Variants in RNLS observed in about 807,000 individuals in gnomAD.
RNLS encodes renalase.
RNLS carries 39 observed loss-of-function variants against 39.8 expected under a neutral mutation model. That is an observed-to-expected ratio of 0.98 (90% CI 0.76 to 1.28). The LOEUF (loss-of-function observed/expected upper bound fraction) is 1.28, where lower values mean the gene tolerates loss of function less well. Among genes scored for constraint, RNLS ranks in the 50% most tolerant of loss-of-function variants. The pLI, the probability that RNLS is intolerant of heterozygous loss-of-function variation, is 0.00. For synonymous variants in RNLS, 147 were observed against 150.7 expected (o/e 0.98, Z 0.18); for missense variants, 410 against 413.3 (o/e 0.99, Z 0.07).
chr10:88,369,953 T>C (rs1486696065), intron 4 of RNLS, among the ~76,000 whole-genome samples: 2 of 152,202 alleles, frequency 1.3e-5, no homozygotes, highest in African/African-American at 4.8e-5. Flanking sequence ...CCCAAAGTGT[T>C]GGGATTACAG....
chr10:88,550,833 T>C (rs372438010), intron 4 of RNLS, among the ~76,000 whole-genome samples: 5 of 152,168 alleles, frequency 3.3e-5, no homozygotes, highest in African/African-American at 1.2e-4. Flanking sequence ...TGGATTTAGA[T>C]TGAGAAGGGA....
At chr10:88,559,101 T>A (rs1327965508) in intron 4 of RNLS, among the ~76,000 whole-genome samples, 1 of 152,194 alleles carries the variant, frequency 6.6e-6, no homozygotes, top group Non-Finnish European at 1.5e-5. Context: ...TATTTCGTTC[T>A]CATTTTTCCA....
At chr10:88,343,510 T>C (rs1397116189) in intron 5 of RNLS, 1 of 947,984 alleles carries the variant, frequency 1.1e-6, no homozygotes, top group East Asian at 1.2e-4. Flanking sequence ...TCTTAACATA[T>C]ATATATATTT....
intron 5 of RNLS, among the ~76,000 whole-genome samples, chr10:88,356,361 C>A (rs1347068371): frequency 1.3e-5 from 2 of 152,236 alleles, no homozygotes; most frequent in Non-Finnish European, 1.5e-5. Flanking sequence ...CTTGGAACTG[C>A]CCCCCGATTC....
chr10:88,582,065 T>G, intron 2 of RNLS, 137 bp downstream of exon 2: 3 of 655,366 alleles, frequency 4.6e-6, no homozygotes, highest in Admixed American at 3.5e-5. Context: ...AGTTGCCTTC[T>G]TCCATAACAC....
intron 4 of RNLS, among the ~76,000 whole-genome samples, chr10:88,454,048 C>G (rs1316171571): frequency 6.6e-6 from 1 of 152,078 alleles, no homozygotes; most frequent in South Asian, 2.1e-4. Context: ...GATGAGATTC[C>G]TGATGGATTA....
chr10:88,410,397 AG>A (rs1285611954), intron 4 of RNLS, among the ~76,000 whole-genome samples: 10 of 152,100 alleles, frequency 6.6e-5, no homozygotes, highest in Non-Finnish European at 1.5e-4. Context: ...GGACCATACC[AG>A]TATAAAAGCC....
chr10:88,568,647 T>C (rs958573394), intron 4 of RNLS, among the ~76,000 whole-genome samples: 1 of 151,992 alleles, frequency 6.6e-6, no homozygotes, highest in African/African-American at 2.4e-5. Context: ...CAAGATGAGA[T>C]GTCGCATGGG....
chr10:88,546,620 G>A (rs1023305935), intron 4 of RNLS, among the ~76,000 whole-genome samples: 4 of 152,056 alleles, frequency 2.6e-5, no homozygotes, highest in Non-Finnish European at 5.9e-5. Flanking sequence ...AGAAACTTCC[G>A]ATAATGACAA....
intron 4 of RNLS, among the ~76,000 whole-genome samples, chr10:88,540,272 T>G (rs1847971094): frequency 2.0e-5 from 3 of 152,132 alleles, no homozygotes; most frequent in Admixed American, 6.6e-5. Flanking sequence ...AAGTAAAACT[T>G]TCTTAAAGTA....
the RNLS span, among the ~76,000 whole-genome samples, chr10:88,180,337 A>AC: frequency 6.6e-6 from 1 of 152,180 alleles, no homozygotes; most frequent in African/African-American, 2.4e-5. Context: ...AGCTGTAGAG[A>AC]GTCAGTGAGA....
chr10:88,225,506 G>A, the RNLS span, among the ~76,000 whole-genome samples: 1 of 152,154 alleles, frequency 6.6e-6, no homozygotes, highest in African/African-American at 2.4e-5. Context: ...TTAAGTCCAG[G>A]AGTTTGAGAC....
intron 4 of RNLS, among the ~76,000 whole-genome samples, chr10:88,517,502 A>G (rs1384792488): frequency 6.6e-6 from 1 of 151,922 alleles, no homozygotes; most frequent in East Asian, 1.9e-4. Context: ...GTTTACTTTG[A>G]TATTTATTTT....
intron 4 of RNLS, among the ~76,000 whole-genome samples, chr10:88,402,555 A>C (rs1294920429): frequency 6.6e-6 from 1 of 151,994 alleles, no homozygotes; most frequent in Non-Finnish European, 1.5e-5. Flanking sequence ...TCCAGGCAAA[A>C]AGACCAAGTC....
At chr10:88,525,012 T>C (rs528146243) in intron 4 of RNLS, among the ~76,000 whole-genome samples, 13 of 108,444 alleles carry the variant, frequency 1.2e-4, no homozygotes, top group Non-Finnish European at 2.5e-4. Context: ...CACACACACA[T>C]ACTATGTACC....
At chr10:88,538,679 A>G (rs945841951) in intron 4 of RNLS, among the ~76,000 whole-genome samples, 1 of 152,158 alleles carries the variant, frequency 6.6e-6, no homozygotes, top group Non-Finnish European at 1.5e-5. Context: ...AGGCAATAAG[A>G]AAACAATAGA....
chr10:88,532,169 T>C (rs762534467), intron 4 of RNLS, among the ~76,000 whole-genome samples: 2 of 152,092 alleles, frequency 1.3e-5, no homozygotes, highest in Admixed American at 6.6e-5. Flanking sequence ...TTCTGTTAAA[T>C]GCATAATCTA....
downstream of RNLS, among the ~76,000 whole-genome samples, chr10:88,273,335 A>G (rs1220134753): frequency 6.6e-6 from 1 of 152,226 alleles, no homozygotes; most frequent in East Asian, 1.9e-4. Flanking sequence ...CACCTTGAAG[A>G]CATTGAATAT....
At chr10:88,447,813 T>C (rs1842131496) in intron 4 of RNLS, among the ~76,000 whole-genome samples, 2 of 152,150 alleles carry the variant, frequency 1.3e-5, no homozygotes, top group South Asian at 4.2e-4. Context: ...AACAGAGATA[T>C]AGACCAAGGG....
Sources: gnomAD v4.1 joint callset for allele counts (sites outside exome capture counted in the v4.1 genomes callset) on GRCh38, gnomAD v4.1.1 for gene constraint, MANE v1.5 for transcripts, NCBI Gene and HGNC (gene_info 2026-07-23, HGNC 2026-07-21) for gene names.